Variants in CSMD1 observed in about 807,000 individuals in gnomAD.
CSMD1 encodes CUB and Sushi multiple domains 1.
In CSMD1, 213 loss-of-function variants were observed where a neutral mutation model predicts 417.5. That is an observed-to-expected ratio of 0.51 (90% CI 0.46 to 0.57). CSMD1 has a LOEUF of 0.57. Ranked by LOEUF, CSMD1 falls within the 20% of genes least tolerant of loss-of-function variation. The pLI is 0.00. For missense variants in CSMD1, 6,923 were observed against 4,529.7 expected (o/e 1.53, Z -15.17); for synonymous variants, 2,862 against 1,736.8 (o/e 1.65, Z -16.11).
intron 11 of CSMD1, among the ~76,000 whole-genome samples, chr8:3,477,790 G>C (rs1186689958): frequency 6.6e-6 from 1 of 152,114 alleles, no homozygotes. Context: ...CAAGTAAAGT[G>C]AGTTACACGT....
intron 7 of CSMD1, among the ~76,000 whole-genome samples, chr8:3,675,173 A>G (rs984266208): frequency 6.6e-6 from 1 of 151,974 alleles, no homozygotes; most frequent in African/African-American, 2.4e-5. Flanking sequence ...GTCTTTCCCC[A>G]CTAGTGGCTC....
intron 3 of CSMD1, among the ~76,000 whole-genome samples, chr8:4,223,723 T>C (rs1477993339): frequency 6.6e-6 from 1 of 152,196 alleles, no homozygotes; most frequent in Non-Finnish European, 1.5e-5. Context: ...ATCTGAAAAA[T>C]GAGGAATTTG....
At chr8:3,196,716 C>A (rs373860903) in intron 33 of CSMD1, among the ~76,000 whole-genome samples, 1 of 152,172 alleles carries the variant, frequency 6.6e-6, no homozygotes, top group African/African-American at 2.4e-5. Flanking sequence ...GCAAACAGTG[C>A]TCCATAATCA....
intron 26 of CSMD1, among the ~76,000 whole-genome samples, chr8:3,267,935 A>C (rs1360030671): frequency 2.6e-5 from 4 of 152,120 alleles, no homozygotes; most frequent in Admixed American, 1.3e-4. Context: ...GCAGAGCCTC[A>C]GAAATGAGGA....
intron 7 of CSMD1, among the ~76,000 whole-genome samples, chr8:3,637,978 T>C (rs1797129631): frequency 1.3e-5 from 2 of 152,216 alleles, no homozygotes; most frequent in African/African-American, 4.8e-5. Flanking sequence ...TTGTGAGGCC[T>C]CCTCAGTTAT....
chr8:3,839,173 ATATT>A (rs1161432223), intron 5 of CSMD1, among the ~76,000 whole-genome samples: 3 of 126,594 alleles, frequency 2.4e-5, no homozygotes, highest in African/African-American at 2.9e-5. Context: ...CTCTCTCTAT[ATATT>A]TATATATAAT....
intron 3 of CSMD1, among the ~76,000 whole-genome samples, chr8:4,066,854 G>C (rs761840514): frequency 1.3e-5 from 2 of 152,166 alleles, no homozygotes; most frequent in South Asian, 2.1e-4. Context: ...CAGTAGCCTT[G>C]ATCACTGCTG....
chr8:4,802,919 G>C (rs1340443162), intron 1 of CSMD1, among the ~76,000 whole-genome samples: 1 of 152,156 alleles, frequency 6.6e-6, no homozygotes, highest in Non-Finnish European at 1.5e-5. Context: ...AACCACTGGA[G>C]AGAGGCAGAA....
intron 3 of CSMD1, among the ~76,000 whole-genome samples, chr8:4,122,599 G>A (rs1205263468): frequency 6.6e-6 from 1 of 152,158 alleles, no homozygotes; most frequent in East Asian, 1.9e-4. Context: ...CAAAATTAGG[G>A]CTCTTCTGCA....
chr8:3,912,532 G>C (rs547454415), intron 5 of CSMD1, among the ~76,000 whole-genome samples: 2 of 152,174 alleles, frequency 1.3e-5, no homozygotes, highest in Non-Finnish European at 2.9e-5. Flanking sequence ...AACAGAGGGG[G>C]CTGGTTAATC....
chr8:2,937,005 T>C lies in CSMD1; in HGVS notation c.*1580A>G, dbSNP rs966943242. ...ATTGAATAGGAACTGAAATATCAAATAATAAAATAAGTACTATCGTTTCAA... is the reference window on the plus strand; with the variant it reads ...ATTGAATAGGAACTGAAATATCAAACAATAAAATAAGTACTATCGTTTCAA... On this transcript the variant is annotated 3_prime_UTR_variant, in exon 70 of 70. Coordinates refer to ENST00000635120, the MANE Select transcript of CSMD1 (RefSeq NM_033225.6). The C allele has an allele frequency of 1.3e-5, 2 of 152,180 alleles. No homozygotes were observed. Among genetic ancestry groups the C allele is most frequent in the Non-Finnish European group, 1.5e-5 (1 of 68,028 alleles). 9.4% of individuals were successfully genotyped at this position (152,180 alleles called of 1,614,324 possible).
Position 3,199,719 on chromosome 8 carries a change from T to A in CSMD1, c.5189A>T (p.Tyr1730Phe), listed in dbSNP as rs1327136426. The A allele has an allele frequency of 1.3e-6, 2 of 1,582,162 alleles. No individual in the cohort carries two copies. The highest frequency in any genetic ancestry group is 1.3e-5 in the African/African-American group (1 of 74,362). ...GASARGFHFVYQAVPRTSDTQ... is the reference protein window; with the variant it reads ...GASARGFHFVFQAVPRTSDTQ... ...ACATGTGGAGTGACGCTTACCTTGATACACGAAGTGGAAGCCGCGGGCAGA... is the reference window on the plus strand; with the variant it reads ...ACATGTGGAGTGACGCTTACCTTGAAACACGAAGTGGAAGCCGCGGGCAGA... The change falls in exon 33 of 70, where the codon TAT (tyrosine) becomes TTT (phenylalanine). Residue 1730 changes from tyrosine (Y) to phenylalanine (F), a missense_variant. Coordinates refer to ENST00000635120, the MANE Select transcript of CSMD1 (RefSeq NM_033225.6).
In CSMD1 at chr8:3,238,109, G is replaced by A. The variant is rs141540793; in HGVS notation, c.4154-7878C>T. ...AAAGAGAGTCACCGAAGGGAGATACGGGTGGGGCCGTTTTATAAGATTTGG... is the reference window on the plus strand; with the variant it reads ...AAAGAGAGTCACCGAAGGGAGATACAGGTGGGGCCGTTTTATAAGATTTGG... On this transcript the variant is annotated intron_variant, in intron 26 of 69. Transcript: ENST00000635120. 5.0e-3 allele frequency among the ~76,000 whole-genome samples: 761 copies of A among 152,014 alleles called. 5 individuals are homozygous for A. The highest frequency in any genetic ancestry group is 0.017 in the African/African-American group (711 of 41,438).
intron 3 of CSMD1, among the ~76,000 whole-genome samples, chr8:4,384,404 A>G (rs1039937089): frequency 3.9e-5 from 6 of 152,206 alleles, no homozygotes; most frequent in African/African-American, 2.4e-5. Context: ...ACTTTTGGAA[A>G]ATATACAACA....
intron 4 of CSMD1, among the ~76,000 whole-genome samples, chr8:4,004,459 A>C (rs1815950687): frequency 2.6e-5 from 4 of 151,936 alleles, no homozygotes; most frequent in Admixed American, 6.6e-5. Context: ...TTTATAGTAA[A>C]ATAAAATGGC....
intron 5 of CSMD1, among the ~76,000 whole-genome samples, chr8:3,989,163 G>A (rs184378353): frequency 6.4e-4 from 98 of 152,278 alleles, no homozygotes; most frequent in African/African-American, 2.1e-3. Context: ...TTTTCCAAGC[G>A]TCTGCTCATT....
intron 50 of CSMD1, among the ~76,000 whole-genome samples, chr8:3,051,769 G>C (rs960652227): frequency 6.6e-6 from 1 of 152,150 alleles, no homozygotes; most frequent in Non-Finnish European, 1.5e-5. Flanking sequence ...TTTGAGTCTA[G>C]TTTTAATATA....
rs185265049 is a variant in CSMD1 at position 3,814,634 on chromosome 8, A to G, written c.819-60592T>C. Among the ~76,000 whole-genome samples the G allele has an allele frequency of 1.7e-3, 256 of 152,286 alleles. No individual in the cohort carries two copies. The East Asian group carries it at 0.018, about 11-fold the overall frequency. ...CCACAGCACACAGAACGGCCTCCCA[A>G]ACAAAGAGCTATCCAACCTCAAATG... is the stretch of plus-strand genomic sequence containing the variant. On this transcript the variant is annotated intron_variant, in intron 5 of 69. Transcript: ENST00000635120.
At chr8:4,312,422 CGCGTATATATATAT>C (rs1437079117) in intron 3 of CSMD1, among the ~76,000 whole-genome samples, 1 of 102,540 alleles carries the variant, frequency 9.8e-6, no homozygotes, top group Admixed American at 8.4e-5. Context: ...TATATATATG[CGCGTATATATATAT>C]GCGTATATAT....
Sources: gnomAD v4.1 joint callset for allele counts (sites outside exome capture counted in the v4.1 genomes callset) on GRCh38, gnomAD v4.1.1 for gene constraint, MANE v1.5 for transcripts, NCBI Gene and HGNC (gene_info 2026-07-23, HGNC 2026-07-21) for gene names.